FBXL17: variants seen among roughly 807,000 people sequenced by gnomAD.
FBXL17 encodes F-box/LRR-repeat protein 17.
Under a neutral mutation model 66.2 loss-of-function variants are expected in FBXL17, and 22 were observed. The observed-to-expected ratio is 0.33, with a 90% CI of 0.24 to 0.47. The LOEUF (loss-of-function observed/expected upper bound fraction) is 0.47. Ranked by LOEUF, FBXL17 falls within the 20% of genes least tolerant of loss-of-function variation. FBXL17 has a pLI of 1.00. For missense variants in FBXL17, 878 were observed against 948.2 expected, an observed-to-expected ratio of 0.93 and a Z score of 0.97; for synonymous variants, 474 against 400.5, an observed-to-expected ratio of 1.18 and a Z score of -2.19.
chr5:108,301,983 T>A lies in FBXL17; in HGVS notation c.1506+46416A>T, dbSNP rs117294278. On this transcript the variant is annotated intron_variant, in intron 4 of 8. Coordinates refer to ENST00000542267, the MANE Select transcript of FBXL17 (RefSeq NM_001163315.3). The stretch of plus-strand genomic sequence containing the variant: ...AACTAATTTTAAGAATACCTCCTAG[T>A]AGGACAGGCAATCCAACCATTTCTC... 3.3e-4 allele frequency: 328 copies of A among 980,234 alleles called. 6 individuals carry two copies. In the East Asian group the frequency reaches 0.032, roughly 95 times the overall value. The allele number at this position is 980,234 out of a possible 1,614,324, so 60.7% of individuals were successfully genotyped here. A position where few individuals can be genotyped will look rare whatever the true frequency, so the allele number is the denominator to read the frequency against.
At chr5:108,224,770 T>C (rs1186007177) in intron 4 of FBXL17, among the ~76,000 whole-genome samples, 1 of 151,904 alleles carries the variant, frequency 6.6e-6, no homozygotes, top group Non-Finnish European at 1.5e-5. Context: ...TTTTTTGGTT[T>C]TTTTTGTTGT....
chr5:108,127,682 C>CA, intron 6 of FBXL17, among the ~76,000 whole-genome samples: 1 of 151,972 alleles, frequency 6.6e-6, no homozygotes, highest in Admixed American at 6.6e-5. Context: ...AATTCTGCTT[C>CA]AAAAAATCTA....
chr5:108,290,925 T>G (rs1365631064), intron 4 of FBXL17, among the ~76,000 whole-genome samples: 2 of 152,168 alleles, frequency 1.3e-5, no homozygotes, highest in Admixed American at 6.6e-5. Context: ...CATCACAATT[T>G]AAAAATTAAC....
chr5:108,239,134 T>C (rs916290726), intron 4 of FBXL17, among the ~76,000 whole-genome samples: 2 of 152,128 alleles, frequency 1.3e-5, no homozygotes, highest in African/African-American at 2.4e-5. Flanking sequence ...TACCTCACTG[T>C]AGGAGGCAGA....
At chr5:108,113,556 C>G (rs1272649725) in intron 6 of FBXL17, among the ~76,000 whole-genome samples, 4 of 151,664 alleles carry the variant, frequency 2.6e-5, no homozygotes. Context: ...GGCAAGTGGA[C>G]AGAAAAAAAG....
intron 6 of FBXL17, among the ~76,000 whole-genome samples, chr5:108,047,227 A>T (rs1213064163): frequency 6.6e-6 from 1 of 152,208 alleles, no homozygotes; most frequent in Non-Finnish European, 1.5e-5. Flanking sequence ...CAGGGGAGCC[A>T]CCCCTCATCC....
chr5:108,060,653 C>T (rs1747883695), intron 6 of FBXL17, among the ~76,000 whole-genome samples: 1 of 152,186 alleles, frequency 6.6e-6, no homozygotes, highest in South Asian at 2.1e-4. Flanking sequence ...ATATTTAAAT[C>T]TCTCAGTTCC....
intron 6 of FBXL17, among the ~76,000 whole-genome samples, chr5:108,035,291 A>G (rs1580354663): frequency 6.6e-6 from 1 of 152,364 alleles, no homozygotes; most frequent in East Asian, 1.9e-4. Context: ...AATAGCTAGC[A>G]TAACAAATGC....
intron 5 of FBXL17, among the ~76,000 whole-genome samples, chr5:108,205,590 A>G (rs2966819): frequency 0.42 from 63,137 of 151,942 alleles, 14,459 homozygotes; most frequent in African/African-American, 0.62. Flanking sequence ...TTTTTTCCTT[A>G]GAGAAACTGG....
chr5:108,128,980 A>AT (rs1442687729), intron 6 of FBXL17, among the ~76,000 whole-genome samples: 8 of 152,058 alleles, frequency 5.3e-5, no homozygotes, highest in Non-Finnish European at 7.4e-5. Context: ...TTTAAATGGG[A>AT]TTTTTTGGTT....
At chr5:108,031,283 G>A (rs966851013) in intron 6 of FBXL17, among the ~76,000 whole-genome samples, 4 of 151,968 alleles carry the variant, frequency 2.6e-5, no homozygotes, top group Non-Finnish European at 2.9e-5. Flanking sequence ...AGCTGTATTC[G>A]ATTAGAAATT....
chr5:107,931,425 AAT>A (rs1491346994), intron 7 of FBXL17, among the ~76,000 whole-genome samples: 1 of 151,372 alleles, frequency 6.6e-6, no homozygotes, highest in Admixed American at 6.6e-5. Flanking sequence ...ACGCCTGGCT[AAT>A]TTTTTTGTAT....
At chr5:107,928,196 A>G (rs1053940695) in intron 7 of FBXL17, among the ~76,000 whole-genome samples, 6 of 152,062 alleles carry the variant, frequency 3.9e-5, no homozygotes, top group Non-Finnish European at 7.4e-5. Context: ...CACAAAGAAA[A>G]AATAGGACTC....
intron 7 of FBXL17, among the ~76,000 whole-genome samples, chr5:107,950,316 G>T (rs1427770696): frequency 6.6e-6 from 1 of 152,078 alleles, no homozygotes; most frequent in Non-Finnish European, 1.5e-5. Flanking sequence ...AGGGATCTCA[G>T]AGAAAATAAA....
At chr5:108,251,555 T>C (rs1756351415) in intron 4 of FBXL17, among the ~76,000 whole-genome samples, 1 of 151,970 alleles carries the variant, frequency 6.6e-6, no homozygotes, top group Admixed American at 6.6e-5. Flanking sequence ...TAATGTCTGG[T>C]TTTCAAAATT....
At chr5:108,230,552 G>GA (rs1755286600) in intron 4 of FBXL17, among the ~76,000 whole-genome samples, 1 of 152,076 alleles carries the variant, frequency 6.6e-6, no homozygotes, top group African/African-American at 2.4e-5. Flanking sequence ...CGATACAATG[G>GA]ACTTTGGAGA....
At chr5:107,927,199 T>C (rs914129514) in intron 7 of FBXL17, among the ~76,000 whole-genome samples, 3 of 152,270 alleles carry the variant, frequency 2.0e-5, no homozygotes, top group Middle Eastern at 3.4e-3. Flanking sequence ...TTTGGTGAAC[T>C]AGCCATGACA....
intron 3 of FBXL17, among the ~76,000 whole-genome samples, chr5:108,355,752 G>A (rs1251264509): frequency 6.6e-6 from 1 of 152,082 alleles, no homozygotes; most frequent in Non-Finnish European, 1.5e-5. Flanking sequence ...AAGAAAGAGA[G>A]AAAACTGAAT....
chr5:107,968,663 C>T (rs1464232302), intron 7 of FBXL17, among the ~76,000 whole-genome samples: 1 of 151,940 alleles, frequency 6.6e-6, no homozygotes, highest in East Asian at 1.9e-4. Context: ...GTTTACATGC[C>T]AACAATTAGG....
Sources: allele counts gnomAD v4.1 joint callset (sites outside exome capture counted in the v4.1 genomes callset), GRCh38; gene constraint gnomAD v4.1.1; transcripts MANE v1.5; gene names NCBI Gene and HGNC (gene_info 2026-07-23, HGNC 2026-07-21).